CPNE4: variants seen among roughly 807,000 people sequenced by gnomAD.
CPNE4 encodes copine 4.
A neutral mutation model predicts 67.9 loss-of-function variants in CPNE4; 25 were observed. The observed-to-expected ratio is 0.37, with a 90% CI of 0.27 to 0.51. The LOEUF (loss-of-function observed/expected upper bound fraction) is 0.51, where lower values mean the gene tolerates loss of function less well. Ranked by LOEUF, CPNE4 falls within the 20% of genes least tolerant of loss-of-function variation. CPNE4 has a pLI of 0.93. For synonymous variants in CPNE4, 242 were observed against 244.9 expected (o/e 0.99, Z 0.11); for missense variants, 464 against 690.8 (o/e 0.67, Z 3.68).
intron 2 of CPNE4, among the ~76,000 whole-genome samples, chr3:131,785,447 C>A (rs887995933): frequency 6.6e-6 from 1 of 152,106 alleles, no homozygotes; most frequent in African/African-American, 2.4e-5. Flanking sequence ...GACGCCATGA[C>A]CACTTGGTTT....
In CPNE4 at chr3:131,641,764, C is replaced by T. The variant is rs573688853; in HGVS notation, c.681+27911G>A. 2.9e-4 allele frequency among the ~76,000 whole-genome samples: 44 copies of T among 152,236 alleles called. 1 individual carries two copies. The South Asian group carries it at 9.1e-3, about 32-fold the overall frequency. On this transcript the variant is annotated intron_variant, in intron 7 of 15. Transcript: ENST00000429747. ...CAAAAATATGGAACCAGCCCCAATA[C>T]CCATCAATCAACCAGTGGATAAATT...
Position 131,926,451 on chromosome 3 carries a change from C to T in CPNE4, c.-1-21007G>A, listed in dbSNP as rs193176511. ...ATAAAGATATGAACAACATGAAATA[C>T]GAAAACAATTATAATGAAAAGAAAC... is the stretch of plus-strand genomic sequence containing the variant. On this transcript the variant is annotated intron_variant, in intron 1 of 15. Coordinates refer to ENST00000429747, the MANE Select transcript of CPNE4 (RefSeq NM_130808.3). Among the ~76,000 whole-genome samples, 208 of 151,690 alleles carry T rather than the reference C, an allele frequency of 1.4e-3. 1 individual carries two copies. The Middle Eastern group carries it at 0.017, about 12-fold the overall frequency.
intron 2 of CPNE4, among the ~76,000 whole-genome samples, chr3:131,745,634 A>G (rs1020436736): frequency 1.3e-5 from 2 of 152,116 alleles, no homozygotes; most frequent in African/African-American, 4.8e-5. Flanking sequence ...CTTTGTCTAT[A>G]AATGTCCAAC....
At chr3:131,990,677 T>G (rs528861592) in intron 1 of CPNE4, among the ~76,000 whole-genome samples, 1 of 136,664 alleles carries the variant, frequency 7.3e-6, no homozygotes, top group Admixed American at 8.2e-5. Flanking sequence ...ACTTCAAAAA[T>G]TTATTGGAAT....
chr3:131,948,149 T>C (rs1413975766), intron 1 of CPNE4, among the ~76,000 whole-genome samples: 1 of 152,214 alleles, frequency 6.6e-6, no homozygotes, highest in East Asian at 1.9e-4. Flanking sequence ...GATGTTTATA[T>C]GATTTGGCTC....
intron 7 of CPNE4, among the ~76,000 whole-genome samples, chr3:131,597,612 C>A (rs776825487): frequency 1.3e-5 from 2 of 152,126 alleles, no homozygotes; most frequent in Non-Finnish European, 2.9e-5. Flanking sequence ...CTGATCAGTG[C>A]ACAATTCTCA....
intron 5 of CPNE4, among the ~76,000 whole-genome samples, chr3:131,692,376 T>C (rs1560124569): frequency 6.6e-6 from 1 of 152,178 alleles, no homozygotes; most frequent in East Asian, 1.9e-4. Context: ...ACATAATAGA[T>C]GCTCAATAAT....
intron 7 of CPNE4, among the ~76,000 whole-genome samples, chr3:131,597,776 T>C (rs934692868): frequency 1.3e-5 from 2 of 152,240 alleles, no homozygotes; most frequent in African/African-American, 4.8e-5. Flanking sequence ...GTAATCCATT[T>C]ATATTTGCTT....
chr3:131,943,494 A>G (rs753193701), intron 1 of CPNE4, among the ~76,000 whole-genome samples: 1 of 152,180 alleles, frequency 6.6e-6, no homozygotes, highest in Non-Finnish European at 1.5e-5. Flanking sequence ...ACTAATGTTT[A>G]TATTACTACT....
chr3:131,776,712 C>A (rs2083299857), intron 2 of CPNE4, among the ~76,000 whole-genome samples: 1 of 152,094 alleles, frequency 6.6e-6, no homozygotes, highest in South Asian at 2.1e-4. Context: ...CCCAAACCAT[C>A]AAAAATGGGG....
At chr3:131,562,821 C>T (rs1291485876) in intron 11 of CPNE4, among the ~76,000 whole-genome samples, 3 of 152,034 alleles carry the variant, frequency 2.0e-5, no homozygotes, top group East Asian at 1.9e-4. Flanking sequence ...AAGTTATCTT[C>T]ATAGTCAATA....
chr3:131,858,891 C>G (rs900563606), intron 2 of CPNE4, among the ~76,000 whole-genome samples: 1 of 152,082 alleles, frequency 6.6e-6, no homozygotes, highest in African/African-American at 2.4e-5. Context: ...AACTCCTTCC[C>G]TCTTAAGCAG....
intron 1 of CPNE4, among the ~76,000 whole-genome samples, chr3:131,925,329 T>C (rs566478191): frequency 1.3e-4 from 20 of 152,172 alleles, no homozygotes; most frequent in African/African-American, 4.1e-4. Context: ...CTAGGCTGAG[T>C]TGGCTGTCCC....
At chr3:131,850,615 T>C (rs2086203985) in intron 2 of CPNE4, among the ~76,000 whole-genome samples, 1 of 152,140 alleles carries the variant, frequency 6.6e-6, no homozygotes, top group Admixed American at 6.6e-5. Flanking sequence ...TAACTAAGAT[T>C]GTTCAATAAG....
chr3:132,016,400 GT>G (rs1227957605), intron 1 of CPNE4, among the ~76,000 whole-genome samples: 1 of 152,158 alleles, frequency 6.6e-6, no homozygotes, highest in African/African-American at 2.4e-5. Context: ...CTGTCAGCAG[GT>G]TTTTGCCTGC....
chr3:131,763,142 T>C (rs139473182), intron 2 of CPNE4, among the ~76,000 whole-genome samples: 102 of 152,252 alleles, frequency 6.7e-4, no homozygotes, highest in African/African-American at 2.4e-3. Context: ...TTAATTATGA[T>C]AAAGCAGCAA....
intron 2 of CPNE4, among the ~76,000 whole-genome samples, chr3:131,860,707 G>T (rs1449217360): frequency 2.0e-5 from 3 of 151,898 alleles, no homozygotes; most frequent in Non-Finnish European, 2.9e-5. Flanking sequence ...GGAAATAGGG[G>T]TTATATTGCT....
At chr3:132,002,016 T>C (rs2073465699) in intron 1 of CPNE4, among the ~76,000 whole-genome samples, 2 of 152,120 alleles carry the variant, frequency 1.3e-5, no homozygotes, top group African/African-American at 4.8e-5. Context: ...GGTTATGTTG[T>C]TCCCAGTGAG....
rs137880544 is a variant in CPNE4, at chr3:131,950,505, C to T, written c.-1-45061G>A. On this transcript the variant is annotated intron_variant, in intron 1 of 15. Coordinates refer to ENST00000429747, the MANE Select transcript of CPNE4 (RefSeq NM_130808.3). The stretch of plus-strand genomic sequence containing the variant: ...AATGGGAGAAGAAGGCAGAGTTTTG[C>T]CTTGTTCAACCTCAGCTGGGAACAT... 1.6e-4 allele frequency among the ~76,000 whole-genome samples: 24 copies of T among 152,254 alleles called. No homozygotes were observed. In the East Asian group the frequency reaches 4.6e-3, roughly 29 times the overall value.
Sources: gnomAD v4.1 joint callset for allele counts (sites outside exome capture counted in the v4.1 genomes callset) on GRCh38, gnomAD v4.1.1 for gene constraint, MANE v1.5 for transcripts, NCBI Gene and HGNC (gene_info 2026-07-23, HGNC 2026-07-21) for gene names.